CTNNA1: variants seen among roughly 807,000 people sequenced by gnomAD.
CTNNA1 encodes catenin alpha 1.
Under a neutral mutation model 98.4 loss-of-function variants are expected in CTNNA1, and 37 were observed. The observed-to-expected ratio is 0.38, with a 90% CI of 0.29 to 0.49. CTNNA1 has a LOEUF of 0.49. CTNNA1 is among the 20% of genes least tolerant of loss of function. The pLI, the probability that CTNNA1 is intolerant of heterozygous loss-of-function variation, is 0.95. For synonymous variants in CTNNA1, 404 were observed against 413.2 expected (o/e 0.98, Z 0.27); for missense variants, 761 against 1,147.2 (o/e 0.66, Z 4.86).
chr5:138,831,365 G>A (rs1420712476), intron 7 of CTNNA1, among the ~76,000 whole-genome samples: 1 of 152,196 alleles, frequency 6.6e-6, no homozygotes, highest in African/African-American at 2.4e-5. Flanking sequence ...ACACTTCCCA[G>A]TTGATTCCAG....
chr5:138,763,300 A>G (rs574213967), intron 1 of CTNNA1, among the ~76,000 whole-genome samples: 19 of 152,340 alleles, frequency 1.2e-4, no homozygotes, highest in Non-Finnish European at 2.1e-4. Flanking sequence ...AGCCTTTGAT[A>G]GTGCATTTGC....
At chr5:138,793,439 C>T (rs191955523) in intron 3 of CTNNA1, among the ~76,000 whole-genome samples, 336 of 152,282 alleles carry the variant, frequency 2.2e-3, no homozygotes, top group African/African-American at 6.7e-3. Flanking sequence ...ATTCTAATGT[C>T]ATTTTGAAGT....
intron 1 of CTNNA1, among the ~76,000 whole-genome samples, chr5:138,764,830 T>C (rs1752736966): frequency 6.6e-6 from 1 of 151,232 alleles, no homozygotes; most frequent in Non-Finnish European, 1.5e-5. Flanking sequence ...TCTAGTTGCT[T>C]TGAGTTAGTC....
chr5:138,758,931 G>A (rs2149572180), intron 1 of CTNNA1, among the ~76,000 whole-genome samples: 1 of 152,154 alleles, frequency 6.6e-6, no homozygotes, highest in South Asian at 2.1e-4. Context: ...AGCCTCTTGA[G>A]TAGCTGGGAT....
intron 6 of CTNNA1, among the ~76,000 whole-genome samples, chr5:138,825,482 G>GTTTTTTGTTTTTTTTTTTTTTTTT (rs1554085136): frequency 1.3e-5 from 1 of 74,114 alleles, no homozygotes; most frequent in African/African-American, 5.8e-5. Context: ...AGCAGTATAA[G>GTTTTTTGTTTTTTTTTTTTTTTTT]TTTTTTTTTT....
In CTNNA1 at chr5:138,934,146, C is replaced by T. The variant is rs528942345; in HGVS notation, c.*57C>T. The T allele has an allele frequency of 8.9e-6, 12 of 1,349,574 alleles. No homozygotes were observed. Among genetic ancestry groups the T allele is most frequent in the Admixed American group, 1.8e-5 (1 of 54,554 alleles). 83.6% of individuals were successfully genotyped at this position (1,349,574 alleles called of 1,614,324 possible). Reference sequence around the variant, plus strand: ...GGGCTCCTGAATATCAGTCACTGTTCGTCACTCAAATGAATTTGCTAAATA... The same window carrying T: ...GGGCTCCTGAATATCAGTCACTGTTTGTCACTCAAATGAATTTGCTAAATA... On this transcript the variant is annotated 3_prime_UTR_variant, in exon 18 of 18. Coordinates refer to ENST00000302763, the MANE Select transcript of CTNNA1 (RefSeq NM_001903.5).
intron 7 of CTNNA1, among the ~76,000 whole-genome samples, chr5:138,865,935 C>T (rs773457210): frequency 6.6e-5 from 10 of 152,050 alleles, no homozygotes; most frequent in Non-Finnish European, 1.2e-4. Context: ...TATTTGACAG[C>T]GAGGCAATGG....
At chr5:138,815,503 G>A (rs548056204) in intron 5 of CTNNA1, among the ~76,000 whole-genome samples, 1 of 152,130 alleles carries the variant, frequency 6.6e-6, no homozygotes, top group South Asian at 2.1e-4. Context: ...GGTGCCCTGG[G>A]TTGCTAAAAG....
At chr5:138,879,440 C>G (rs1472627065) in intron 7 of CTNNA1, among the ~76,000 whole-genome samples, 1 of 151,882 alleles carries the variant, frequency 6.6e-6, no homozygotes, top group East Asian at 1.9e-4. Context: ...TCCCTTCCTT[C>G]TGTTGATTTT....
At chr5:138,860,062 T>C (rs1764118190) in intron 7 of CTNNA1, among the ~76,000 whole-genome samples, 1 of 152,130 alleles carries the variant, frequency 6.6e-6, no homozygotes, top group African/African-American at 2.4e-5. Context: ...AAGATTGATA[T>C]AAAATATTTG....
At chr5:138,799,648 G>T (rs1384946997) in intron 3 of CTNNA1, among the ~76,000 whole-genome samples, 3 of 148,082 alleles carry the variant, frequency 2.0e-5, no homozygotes, top group Non-Finnish European at 3.0e-5. Flanking sequence ...TTGTAAGGAT[G>T]ACCATTCAGA....
intron 3 of CTNNA1, among the ~76,000 whole-genome samples, chr5:138,800,096 C>T (rs1319756885): frequency 6.6e-6 from 1 of 152,016 alleles, no homozygotes; most frequent in Non-Finnish European, 1.5e-5. Context: ...GGGGTTTTGC[C>T]ATGTTGGCCA....
intron 1 of CTNNA1, 28 bp from the exon 2 acceptor site, chr5:138,781,895 C>A: frequency 6.4e-7 from 1 of 1,559,856 alleles, no homozygotes; most frequent in African/African-American, 1.4e-5. Context: ...TTGATGTTTG[C>A]CTGACTGACT....
At chr5:138,827,743 A>G in intron 7 of CTNNA1, 25 bp downstream of exon 7, 1 of 1,612,908 alleles carries the variant, frequency 6.2e-7, no homozygotes, top group South Asian at 1.1e-5. Flanking sequence ...TTTTCTTTGA[A>G]GTAAGATATT....
intron 1 of CTNNA1, among the ~76,000 whole-genome samples, chr5:138,767,865 T>C (rs956673639): frequency 9.2e-5 from 14 of 152,186 alleles, no homozygotes; most frequent in Admixed American, 8.5e-4. Context: ...ACCTTTTACA[T>C]TGATACAGTA....
At chr5:138,763,363 A>G (rs1752576392) in intron 1 of CTNNA1, among the ~76,000 whole-genome samples, 1 of 152,166 alleles carries the variant, frequency 6.6e-6, no homozygotes, top group South Asian at 2.1e-4. Flanking sequence ...CATTGTTACC[A>G]TTCTCTCATG....
intron 9 of CTNNA1, among the ~76,000 whole-genome samples, chr5:138,891,708 G>A (rs1424472210): frequency 6.6e-6 from 1 of 152,168 alleles, no homozygotes; most frequent in South Asian, 2.1e-4. Flanking sequence ...GCAGTCAACC[G>A]AGGTTGTGCC....
chr5:138,909,579 TCCTC>T (rs1392389411), intron 10 of CTNNA1, among the ~76,000 whole-genome samples: 1 of 152,128 alleles, frequency 6.6e-6, no homozygotes, highest in African/African-American at 2.4e-5. Flanking sequence ...GGTCAGGTGA[TCCTC>T]CCACCTGAGC....
intron 3 of CTNNA1, among the ~76,000 whole-genome samples, chr5:138,789,196 C>A (rs3827597): frequency 1.3e-5 from 2 of 151,902 alleles, no homozygotes; most frequent in South Asian, 2.1e-4. Flanking sequence ...TTTCCCCCCC[C>A]CCAGAGCTTA....
Sources: gnomAD v4.1 joint callset for allele counts (sites outside exome capture counted in the v4.1 genomes callset) on GRCh38, gnomAD v4.1.1 for gene constraint, MANE v1.5 for transcripts, NCBI Gene and HGNC (gene_info 2026-07-23, HGNC 2026-07-21) for gene names.